Variants in UBQLN1 observed in about 807,000 individuals in gnomAD.
The protein encoded by UBQLN1 is ubiquilin 1, also known as ubiquilin-1.
UBQLN1 carries 13 observed loss-of-function variants against 65.4 expected under a neutral mutation model. That is an observed-to-expected ratio of 0.20 (90% CI 0.13 to 0.32). UBQLN1 has a LOEUF of 0.32. Ranked by LOEUF, UBQLN1 falls within the 10% of genes least tolerant of loss-of-function variation. The pLI is 1.00. For missense variants in UBQLN1, 561 were observed against 724.0 expected, an observed-to-expected ratio of 0.77 and a Z score of 2.58; for synonymous variants, 267 against 247.8, an observed-to-expected ratio of 1.08 and a Z score of -0.73.
At chr9:83,696,583 G>A (rs544772480) in intron 1 of UBQLN1, among the ~76,000 whole-genome samples, 4 of 151,956 alleles carry the variant, frequency 2.6e-5, no homozygotes, top group African/African-American at 9.7e-5. Flanking sequence ...AGGTTGCAGT[G>A]AGCTGTGATC....
chr9:83,699,987 T>C (rs968933022), intron 1 of UBQLN1, among the ~76,000 whole-genome samples: 5 of 152,224 alleles, frequency 3.3e-5, no homozygotes, highest in Non-Finnish European at 5.9e-5. Context: ...ATTTACATCA[T>C]GGAAATCCAG....
chr9:83,671,176 A>C (rs1831724158), intron 6 of UBQLN1, among the ~76,000 whole-genome samples: 1 of 152,108 alleles, frequency 6.6e-6, no homozygotes, highest in Non-Finnish European at 1.5e-5. Flanking sequence ...CACTACTTCT[A>C]CAGTCCCCTC....
Position 83,666,217 on chromosome 9 carries a change from T to C in UBQLN1, c.1332+133A>G. 3.9e-6 allele frequency: 3 copies of C among 762,290 alleles called. No individual in the cohort carries two copies. The South Asian group carries it at 5.2e-5, about 13-fold the overall frequency. 47.2% of individuals were successfully genotyped at this position (762,290 alleles called of 1,614,324 possible). On this transcript the variant is annotated intron_variant, in intron 8 of 10. Coordinates refer to ENST00000376395, the MANE Select transcript of UBQLN1 (RefSeq NM_013438.5). ...TCAGTGAAGATCAAGCTGAATTCTC[T>C]ACGAATTGACAGCATTATTGGTCTC...
intron 1 of UBQLN1, among the ~76,000 whole-genome samples, chr9:83,696,137 A>G (rs6559739): frequency 0.7 from 107,027 of 152,040 alleles, 38,538 homozygotes; most frequent in East Asian, 0.88. Context: ...ACAGGGTTTC[A>G]CCATGTTGGC....
intron 3 of UBQLN1, among the ~76,000 whole-genome samples, chr9:83,682,016 T>C (rs569452119): frequency 6.6e-6 from 1 of 152,278 alleles, no homozygotes; most frequent in South Asian, 2.1e-4. Flanking sequence ...GCCACTGAGT[T>C]TGGCTATCTA....
chr9:83,687,137 G>A (rs1177535242), intron 1 of UBQLN1, among the ~76,000 whole-genome samples: 1 of 152,102 alleles, frequency 6.6e-6, no homozygotes, highest in Non-Finnish European at 1.5e-5. Context: ...TGAGAGTCAA[G>A]TAAAACCATG....
intron 10 of UBQLN1, among the ~76,000 whole-genome samples, chr9:83,663,651 C>A (rs1831597951): frequency 6.6e-6 from 1 of 152,148 alleles, no homozygotes; most frequent in Non-Finnish European, 1.5e-5. Context: ...TGTAGCATGT[C>A]TTCTCTACAA....
At chr9:83,662,042 C>G in intron 10 of UBQLN1, 103 bp from the exon 11 acceptor site, 1 of 1,044,062 alleles carries the variant, frequency 9.6e-7, no homozygotes, top group Non-Finnish European at 1.4e-6. Context: ...ATATGCTGAT[C>G]TACTGAGCTT....
chr9:83,682,718 C>T (rs1831963690), intron 3 of UBQLN1, among the ~76,000 whole-genome samples: 1 of 152,220 alleles, frequency 6.6e-6, no homozygotes, highest in South Asian at 2.1e-4. Context: ...ATCAGGTATA[C>T]ACAAACTACA....
intron 1 of UBQLN1, among the ~76,000 whole-genome samples, chr9:83,687,394 G>A (rs1037959044): frequency 6.6e-6 from 1 of 152,214 alleles, no homozygotes; most frequent in Non-Finnish European, 1.5e-5. Context: ...GAAAGCTTCA[G>A]AGTGGGCCCA....
intron 1 of UBQLN1, among the ~76,000 whole-genome samples, chr9:83,707,172 C>T (rs1425177854): frequency 3.3e-5 from 5 of 152,062 alleles, no homozygotes; most frequent in Admixed American, 3.3e-4. Context: ...GGCGGTGGGT[C>T]CCTTTCCTTT....
chr9:83,682,334 T>C (rs902214745), intron 3 of UBQLN1, among the ~76,000 whole-genome samples: 5 of 151,662 alleles, frequency 3.3e-5, no homozygotes, highest in African/African-American at 9.7e-5. Context: ...ATAAATCTAA[T>C]ACAGGCCAGG....
In UBQLN1 at chr9:83,668,606, A is replaced by C. The variant is rs1831680675; in HGVS notation, c.1248+579T>G. The C allele has an allele frequency of 3.0e-6, 3 of 985,558 alleles. No individual in the cohort carries two copies. The South Asian group carries it at 1.4e-4, about 46-fold the overall frequency. The allele number at this position is 985,558 out of a possible 1,614,324, so 61.1% of individuals were successfully genotyped here. A position where few individuals can be genotyped will look rare whatever the true frequency, so the allele number is the denominator to read the frequency against. On this transcript the variant is annotated intron_variant, in intron 7 of 10. Coordinates refer to ENST00000376395, the MANE Select transcript of UBQLN1 (RefSeq NM_013438.5). ...TCCTGAGTGTTCAGCCAGCATTAAG[A>C]TCCCCAATTTTCTTAGCTGTGGTCT...
At chr9:83,683,275 G>C (rs1002698586) in intron 2 of UBQLN1, among the ~76,000 whole-genome samples, 12 of 152,114 alleles carry the variant, frequency 7.9e-5, no homozygotes, top group Non-Finnish European at 1.8e-4. Flanking sequence ...AGCCGGGCGT[G>C]ATGGCGAGTG....
intron 6 of UBQLN1, among the ~76,000 whole-genome samples, chr9:83,677,405 A>C (rs1587645932): frequency 6.6e-6 from 1 of 152,196 alleles, no homozygotes; most frequent in East Asian, 1.9e-4. Context: ...TCTACTAAAA[A>C]TACAAAATTA....
intron 9 of UBQLN1, 21 bp downstream of exon 9, chr9:83,665,009 A>G (rs1387442942): frequency 1.3e-6 from 2 of 1,539,480 alleles, no homozygotes; most frequent in Non-Finnish European, 1.8e-6. Context: ...CACTTTCATT[A>G]TCTTCCCCAA....
chr9:83,675,016 T>G (rs1484011923), intron 6 of UBQLN1, among the ~76,000 whole-genome samples: 1 of 152,236 alleles, frequency 6.6e-6, no homozygotes, highest in Non-Finnish European at 1.5e-5. Context: ...ACTGTCTTAT[T>G]CATCAGTAGG....
chr9:83,675,771 G>A (rs191600098), intron 6 of UBQLN1, among the ~76,000 whole-genome samples: 44 of 152,260 alleles, frequency 2.9e-4, no homozygotes, highest in Middle Eastern at 3.4e-3. Context: ...TTTTGAATAA[G>A]TCAGTCAAGT....
intron 7 of UBQLN1, chr9:83,668,237 T>C (rs1831674189): frequency 3.0e-6 from 3 of 984,922 alleles, no homozygotes; most frequent in Admixed American, 1.2e-4. Context: ...AAGTTATTAC[T>C]GAGAATTATA....
Sources: allele counts gnomAD v4.1 joint callset (sites outside exome capture counted in the v4.1 genomes callset), GRCh38; gene constraint gnomAD v4.1.1; transcripts MANE v1.5; gene names NCBI Gene and HGNC (gene_info 2026-07-23, HGNC 2026-07-21).